Variants in UGT1A8 observed in about 807,000 individuals in gnomAD.
UGT1A8 encodes UDP-glucuronosyltransferase 1A8.
Under a neutral mutation model 45.3 loss-of-function variants are expected in UGT1A8, and 39 were observed. That is an observed-to-expected ratio of 0.86 (90% CI 0.67 to 1.12). UGT1A8 has a LOEUF of 1.12. Among genes scored for constraint, UGT1A8 ranks in the 50% most tolerant of loss-of-function variants. The probability of loss-of-function intolerance (pLI) is 0.00; values close to 1 mark genes in which losing one functional copy is unlikely to be tolerated. For missense variants in UGT1A8, 719 were observed against 664.9 expected (o/e 1.08, Z -0.90); for synonymous variants, 275 against 249.2 (o/e 1.10, Z -0.97).
intron 1 of UGT1A8, among the ~76,000 whole-genome samples, chr2:233,717,571 A>C (rs1166203579): frequency 6.6e-6 from 1 of 152,240 alleles, no homozygotes; most frequent in Non-Finnish European, 1.5e-5. Context: ...ATGGCCAGGC[A>C]TGTAGACACA....
intron 1 of UGT1A8, among the ~76,000 whole-genome samples, chr2:233,654,548 T>C (rs1367915066): frequency 6.6e-6 from 1 of 152,246 alleles, no homozygotes; most frequent in African/African-American, 2.4e-5. Context: ...TATATATTCA[T>C]AATTGTTTGT....
chr2:233,748,954 C>G (rs1349169273), intron 1 of UGT1A8, among the ~76,000 whole-genome samples: 2 of 151,646 alleles, frequency 1.3e-5, no homozygotes, highest in Non-Finnish European at 2.9e-5. Context: ...TATCCCACTC[C>G]AAGTTTCTAT....
intron 1 of UGT1A8, among the ~76,000 whole-genome samples, chr2:233,655,053 C>T (rs1464630053): frequency 8.6e-5 from 13 of 151,984 alleles, no homozygotes; most frequent in Non-Finnish European, 1.5e-4. Context: ...CATACCACTG[C>T]ACTCCAGCCT....
intron 1 of UGT1A8, among the ~76,000 whole-genome samples, chr2:233,757,279 A>C (rs1159492481): frequency 7.8e-6 from 1 of 127,878 alleles, no homozygotes; most frequent in Non-Finnish European, 1.6e-5. Flanking sequence ...GCAATGATTC[A>C]GAAGGGACAG....
intron 1 of UGT1A8, chr2:233,637,433 A>G: frequency 6.5e-7 from 1 of 1,544,852 alleles, no homozygotes; most frequent in Non-Finnish European, 8.7e-7. Context: ...AAATTAAAAA[A>G]GGATTCCTTA....
Position 233,693,534 on chromosome 2 carries a change from C to G in UGT1A8, c.856-73500C>G, listed in dbSNP as rs74429718. 3.5e-5 allele frequency: 56 copies of G among 1,614,178 alleles called. No individual in the cohort carries two copies. The highest frequency in any genetic ancestry group is 4.7e-5 in the Non-Finnish European group (55 of 1,180,024). On this transcript the variant is annotated intron_variant, in intron 1 of 4. Transcript: ENST00000373450. Reference sequence around the variant, plus strand: ...TACCTCTTCAGGGGTTTTCCGTGTTCCCTGGAGCATACATTCAGCAGAAGC... The same window carrying G: ...TACCTCTTCAGGGGTTTTCCGTGTTGCCTGGAGCATACATTCAGCAGAAGC...
At chr2:233,704,732 C>T (rs2075805299) in intron 1 of UGT1A8, among the ~76,000 whole-genome samples, 2 of 152,108 alleles carry the variant, frequency 1.3e-5, no homozygotes. Flanking sequence ...CTCCCAACTG[C>T]CTCCCTTGTG....
intron 1 of UGT1A8, among the ~76,000 whole-genome samples, chr2:233,633,862 G>A (rs937944234): frequency 6.6e-6 from 1 of 151,996 alleles, no homozygotes; most frequent in Non-Finnish European, 1.5e-5. Context: ...TTTTGAATTT[G>A]TTTGCTCTTG....
chr2:233,772,899 G>A lies in UGT1A8; in HGVS notation c.*340G>A, dbSNP rs1167184820. 6 of 428,920 alleles carry A rather than the reference G, an allele frequency of 1.4e-5. No homozygotes were observed. The highest frequency in any genetic ancestry group is 8.2e-5 in the African/African-American group (4 of 48,988). 26.6% of individuals were successfully genotyped at this position (428,920 alleles called of 1,614,324 possible). ...TGCGGGATTCAAAGGTGGTCCCACG[G>A]CTGCCCCTACTGCAAATGGCAGTTT... is the stretch of plus-strand genomic sequence containing the variant. On this transcript the variant is annotated 3_prime_UTR_variant, in exon 5 of 5. Coordinates refer to ENST00000373450, the MANE Select transcript of UGT1A8 (RefSeq NM_019076.5).
intron 1 of UGT1A8, among the ~76,000 whole-genome samples, chr2:233,734,157 A>G (rs2078492221): frequency 6.6e-6 from 1 of 152,100 alleles, no homozygotes; most frequent in Non-Finnish European, 1.5e-5. Context: ...CTGGTCCTGG[A>G]CTTTTTTTGG....
chr2:233,772,426 A>C lies in UGT1A8; in HGVS notation c.1460A>C (p.Asp487Ala), dbSNP rs1300515739. The C allele has an allele frequency of 1.2e-5, 20 of 1,614,062 alleles. No individual in the cohort carries two copies. Among genetic ancestry groups the C allele is most frequent in the Non-Finnish European group, 1.7e-5 (20 of 1,180,044 alleles). Reference sequence around the variant, plus strand: ...ACCTGGTACCAGTACCATTCCTTGGACGTGATTGGTTTCCTCTTGGCCGTC... The same window carrying C: ...ACCTGGTACCAGTACCATTCCTTGGCCGTGATTGGTTTCCTCTTGGCCGTC... Reference protein sequence around the residue: ...DLTWYQYHSLDVIGFLLAVVL... With the variant: ...DLTWYQYHSLAVIGFLLAVVL... Residue 487 changes from aspartate (D) to alanine (A), a missense_variant, in exon 5 of 5, where the codon GAC becomes GCC. Coordinates refer to ENST00000373450, the MANE Select transcript of UGT1A8 (RefSeq NM_019076.5).
chr2:233,718,023 A>G (rs1438994105), intron 1 of UGT1A8: 2 of 389,712 alleles, frequency 5.1e-6, no homozygotes, highest in South Asian at 3.8e-5. Flanking sequence ...CCAGCTCCCC[A>G]GGTCCTTTGG....
chr2:233,684,425 C>G (rs2074679890), intron 1 of UGT1A8, among the ~76,000 whole-genome samples: 1 of 152,212 alleles, frequency 6.6e-6, no homozygotes, highest in African/African-American at 2.4e-5. Flanking sequence ...GCCTCACCCT[C>G]TAGCCAAGTG....
intron 1 of UGT1A8, among the ~76,000 whole-genome samples, chr2:233,626,775 A>T (rs2073091215): frequency 6.6e-6 from 1 of 152,050 alleles, no homozygotes; most frequent in Admixed American, 6.6e-5. Flanking sequence ...TGAATTAGAG[A>T]TGTTGGGTTT....
At chr2:233,741,446 CAGTG>C (rs1388534811) in intron 1 of UGT1A8, 2 of 149,546 alleles carry the variant, frequency 1.3e-5, no homozygotes, top group African/African-American at 2.6e-5. Flanking sequence ...GCAAACTACT[CAGTG>C]AGTATCTTCA....
intron 1 of UGT1A8, among the ~76,000 whole-genome samples, chr2:233,656,733 C>T (rs1421530829): frequency 6.6e-6 from 1 of 152,042 alleles, no homozygotes; most frequent in South Asian, 2.1e-4. Context: ...CCTTCTGTCC[C>T]GTCGTGGCTG....
chr2:233,755,054 C>T (rs748506326), intron 1 of UGT1A8: 2 of 1,332,588 alleles, frequency 1.5e-6, no homozygotes, highest in Admixed American at 3.8e-5. Context: ...CGCCCTCCGC[C>T]CTCGCCTCGC....
At chr2:233,765,838 T>A (rs1248201211) in intron 1 of UGT1A8, among the ~76,000 whole-genome samples, 1 of 152,108 alleles carries the variant, frequency 6.6e-6, no homozygotes, top group Non-Finnish European at 1.5e-5. Flanking sequence ...AAAACTTTCC[T>A]TGTCCCCCTC....
At chr2:233,746,604 C>T (rs901529128) in intron 1 of UGT1A8, among the ~76,000 whole-genome samples, 5 of 151,778 alleles carry the variant, frequency 3.3e-5, no homozygotes, top group Non-Finnish European at 5.9e-5. Flanking sequence ...TGTCTCTGTT[C>T]ACCTGACCCC....
Sources: allele counts gnomAD v4.1 joint callset (sites outside exome capture counted in the v4.1 genomes callset), GRCh38; gene constraint gnomAD v4.1.1; transcripts MANE v1.5; gene names NCBI Gene and HGNC (gene_info 2026-07-23, HGNC 2026-07-21).